The following SUCLA2 variants were observed in gnomAD, a reference collection of about 807,000 sequenced individuals.
SUCLA2 encodes succinate-CoA ligase ADP-forming subunit beta.
A neutral mutation model predicts 54.8 loss-of-function variants in SUCLA2; 30 were observed. That is an observed-to-expected ratio of 0.55 (90% CI 0.41 to 0.74). The LOEUF (loss-of-function observed/expected upper bound fraction) is 0.74, where lower values mean the gene tolerates loss of function less well. Among genes scored for constraint, SUCLA2 ranks in the 30% least tolerant of loss-of-function variants. The probability of loss-of-function intolerance (pLI) is 0.00; values close to 1 mark genes in which losing one functional copy is unlikely to be tolerated. For synonymous variants in SUCLA2, 172 were observed against 188.9 expected (o/e 0.91, Z 0.74); for missense variants, 476 against 562.9 (o/e 0.85, Z 1.56).
intron 5 of SUCLA2, 152 bp from the exon 6 acceptor site, chr13:47,968,885 G>T: frequency 1.1e-6 from 1 of 893,204 alleles, no homozygotes; most frequent in Non-Finnish European, 1.6e-6. Flanking sequence ...ATTACTAAAT[G>T]GTTAAACAAA....
At chr13:47,964,190 A>AAAAAGGTC (rs750397962) in intron 6 of SUCLA2, among the ~76,000 whole-genome samples, 35 of 152,210 alleles carry the variant, frequency 2.3e-4, no homozygotes, top group Non-Finnish European at 3.8e-4. Flanking sequence ...TATGTATAGT[A>AAAAAGGTC]AAAAGGTCAA....
chr13:47,974,628 A>C (rs1476079456), intron 4 of SUCLA2, among the ~76,000 whole-genome samples: 1 of 152,202 alleles, frequency 6.6e-6, no homozygotes, highest in Admixed American at 6.5e-5. Flanking sequence ...AGAGCTAACT[A>C]GTTTGAAAGA....
chr13:47,986,963 C>A (rs1338458418), intron 4 of SUCLA2, among the ~76,000 whole-genome samples: 1 of 152,092 alleles, frequency 6.6e-6, no homozygotes, highest in Non-Finnish European at 1.5e-5. Flanking sequence ...CATGGCTATA[C>A]CCCAAAAAGT....
intron 10 of SUCLA2, among the ~76,000 whole-genome samples, chr13:47,947,376 A>G (rs970677778): frequency 6.6e-6 from 1 of 152,190 alleles, no homozygotes; most frequent in Non-Finnish European, 1.5e-5. Context: ...ATTGGACATA[A>G]TAGAACAAAC....
intron 6 of SUCLA2, among the ~76,000 whole-genome samples, chr13:47,959,654 C>G (rs1182477353): frequency 6.6e-6 from 1 of 152,146 alleles, no homozygotes; most frequent in Non-Finnish European, 1.5e-5. Context: ...TGTAGCTTTT[C>G]TGGTTTTCCA....
At chr13:47,956,677 A>C (rs1949824163) in intron 6 of SUCLA2, among the ~76,000 whole-genome samples, 1 of 152,222 alleles carries the variant, frequency 6.6e-6, no homozygotes, top group Non-Finnish European at 1.5e-5. Context: ...AAGAAGGGGC[A>C]GTTTTGTCCC....
intron 6 of SUCLA2, chr13:47,965,649 A>G (rs1055952481): frequency 1.5e-5 from 6 of 398,418 alleles, no homozygotes; most frequent in Non-Finnish European, 2.7e-5. Context: ...TCCTGGGGAA[A>G]AATAGTATAA....
chr13:47,996,295 C>A lies in SUCLA2; in HGVS notation c.271+548G>T, dbSNP rs1950190028. Among the ~76,000 whole-genome samples, 6 of 148,848 alleles carry A rather than the reference C, an allele frequency of 4.0e-5. No homozygotes were observed. In the South Asian group the frequency reaches 1.3e-3, roughly 32 times the overall value. On this transcript the variant is annotated intron_variant, in intron 2 of 10. Transcript: ENST00000646932. ...CCAGGATTGCACCATTGCACTCCAA[C>A]CTGGGCAATAAGAATGAAACTCCGT...
At chr13:47,980,728 G>T (rs2137732053) in intron 4 of SUCLA2, among the ~76,000 whole-genome samples, 1 of 152,064 alleles carries the variant, frequency 6.6e-6, no homozygotes, top group East Asian at 1.9e-4. Context: ...GCATGATAAT[G>T]CATAAAAAAA....
intron 4 of SUCLA2, among the ~76,000 whole-genome samples, chr13:47,982,881 T>A (rs1593497091): frequency 6.6e-6 from 1 of 152,278 alleles, no homozygotes; most frequent in East Asian, 1.9e-4. Flanking sequence ...GATTTTTATA[T>A]CCTTTGGCTA....
intron 8 of SUCLA2, among the ~76,000 whole-genome samples, chr13:47,951,221 C>T (rs4942722): frequency 1 from 151,336 of 151,574 alleles, 75,550 homozygotes; most frequent in Middle Eastern, 1. Context: ...TCTCATTCTC[C>T]GCTCAACCTC....
At chr13:47,976,393 G>C (rs189472039) in intron 4 of SUCLA2, among the ~76,000 whole-genome samples, 1 of 152,242 alleles carries the variant, frequency 6.6e-6, no homozygotes, top group African/African-American at 2.4e-5. Context: ...AACTAACATA[G>C]TTTGGGATTA....
chr13:47,947,274 TACACAC>T lies in SUCLA2; in HGVS notation c.1317+1660_1317+1665del, dbSNP rs34458960. 1.1e-3 allele frequency among the ~76,000 whole-genome samples: 159 copies of T among 144,926 alleles called. 1 individual carries two copies. The highest frequency in any genetic ancestry group is 2.9e-3 in the Admixed American group (42 of 14,652). On this transcript the variant is annotated intron_variant, in intron 10 of 10. Coordinates refer to ENST00000646932, the MANE Select transcript of SUCLA2 (RefSeq NM_003850.3). The stretch of plus-strand genomic sequence containing the variant: ...TGCATGTGTATGCACACACGCACAA[TACACAC>T]ACACACACACACACACACACCTGAA...
rs75246504 is a variant in SUCLA2, at chr13:48,000,684, G to A, written c.90+496C>T. On this transcript the variant is annotated intron_variant, in intron 1 of 10. Coordinates refer to ENST00000646932, the MANE Select transcript of SUCLA2 (RefSeq NM_003850.3). ...TAGAACAGTATACAACTACTTGGAG[G>A]AGAGGGGAAACTTCCCTACCTTGCC... is the stretch of plus-strand genomic sequence containing the variant. 5.4e-3 allele frequency among the ~76,000 whole-genome samples: 827 copies of A among 152,314 alleles called. 5 individuals are homozygous for A. The highest frequency in any genetic ancestry group is 0.018 in the African/African-American group (756 of 41,550).
chr13:47,947,525 G>A (rs894913420), intron 10 of SUCLA2, among the ~76,000 whole-genome samples: 4 of 152,136 alleles, frequency 2.6e-5, no homozygotes, highest in African/African-American at 4.8e-5. Context: ...AATAAGTGAA[G>A]AATGACAGAA....
At chr13:47,985,371 C>T (rs1468310885) in intron 4 of SUCLA2, among the ~76,000 whole-genome samples, 1 of 152,082 alleles carries the variant, frequency 6.6e-6, no homozygotes, top group Non-Finnish European at 1.5e-5. Flanking sequence ...GCTATTCTTT[C>T]TGATGCTCTC....
At chr13:47,962,504 G>T (rs1269468037) in intron 6 of SUCLA2, among the ~76,000 whole-genome samples, 1 of 152,132 alleles carries the variant, frequency 6.6e-6, no homozygotes, top group Non-Finnish European at 1.5e-5. Context: ...CAAGTATATG[G>T]GACTGAAGAT....
chr13:47,973,812 T>C lies in SUCLA2; in HGVS notation c.535-420A>G, dbSNP rs191313355. 2.4e-4 allele frequency among the ~76,000 whole-genome samples: 36 copies of C among 152,152 alleles called. 1 individual carries two copies. Among genetic ancestry groups the C allele is most frequent in the East Asian group, 2.3e-3 (12 of 5,178 alleles). On this transcript the variant is annotated intron_variant, in intron 4 of 10. Coordinates refer to ENST00000646932, the MANE Select transcript of SUCLA2 (RefSeq NM_003850.3). Reference sequence around the variant, plus strand: ...CAGGGACATGGATGAAGCTGGAAACTATCATTCTCAACAAACTAACACAGG... The same window carrying C: ...CAGGGACATGGATGAAGCTGGAAACCATCATTCTCAACAAACTAACACAGG...
At chr13:47,986,313 G>A (rs867595732) in intron 4 of SUCLA2, among the ~76,000 whole-genome samples, 3 of 152,150 alleles carry the variant, frequency 2.0e-5, no homozygotes, top group African/African-American at 7.2e-5. Context: ...TTACAGGCGT[G>A]AGCCACCACA....
Sources: gnomAD v4.1 joint callset for allele counts (sites outside exome capture counted in the v4.1 genomes callset) on GRCh38, gnomAD v4.1.1 for gene constraint, MANE v1.5 for transcripts, NCBI Gene and HGNC (gene_info 2026-07-23, HGNC 2026-07-21) for gene names.